The following NEIL2 variants were observed in gnomAD, a reference collection of about 807,000 sequenced individuals.
NEIL2 encodes nei like DNA glycosylase 2.
In NEIL2, 23 loss-of-function variants were observed where a neutral mutation model predicts 22.2. The observed-to-expected ratio is 1.04, with a 90% CI of 0.75 to 1.47. The LOEUF (loss-of-function observed/expected upper bound fraction) is 1.47. Among genes scored for constraint, NEIL2 ranks in the 40% most tolerant of loss-of-function variants. The pLI is 0.00. For missense variants in NEIL2, 583 were observed against 404.7 expected, an observed-to-expected ratio of 1.44 and a Z score of -3.78; for synonymous variants, 229 against 164.8, an observed-to-expected ratio of 1.39 and a Z score of -2.99.
At chr8:11,778,313 G>A (rs1449922395) in intron 2 of NEIL2, among the ~76,000 whole-genome samples, 2 of 115,052 alleles carry the variant, frequency 1.7e-5, no homozygotes, top group African/African-American at 3.1e-5. Flanking sequence ...TTTTTTTTAT[G>A]TAGGTCAGTT....
chr8:11,780,672 A>G (rs1343994463), intron 3 of NEIL2, among the ~76,000 whole-genome samples: 1 of 152,174 alleles, frequency 6.6e-6, no homozygotes, highest in East Asian at 1.9e-4. Context: ...GTGAGCCACC[A>G]TGCTTGGCCC....
intron 2 of NEIL2, among the ~76,000 whole-genome samples, chr8:11,773,405 G>A (rs1359871260): frequency 6.6e-6 from 1 of 152,190 alleles, no homozygotes; most frequent in African/African-American, 2.4e-5. Context: ...CTCCCTGTCG[G>A]CGGGTCCCTG....
At chr8:11,782,825 C>T (rs1804546385) in intron 3 of NEIL2, 2 of 345,996 alleles carry the variant, frequency 5.8e-6, no homozygotes, top group South Asian at 4.7e-5. Context: ...ACAGAGTGTG[C>T]TTGGACTATA....
In NEIL2 at chr8:11,779,876, CA is replaced by C; in HGVS notation, c.418del (p.Ser140AlafsTer4). 1 of 1,614,134 alleles carries C rather than the reference CA, an allele frequency of 6.2e-7. No individual in the cohort carries two copies. Among genetic ancestry groups the C allele is most frequent in the South Asian group, 1.1e-5 (1 of 91,072 alleles). On this transcript the variant is annotated frameshift_variant, in exon 3 of 5. Transcript: ENST00000284503. LOFTEE classifies it high-confidence loss of function. ...WLRVSFGLFG[S>X]VWVNDFSRAK... is the part of the protein sequence containing the mutation. Reference sequence around the variant, plus strand: ...TGCGTGTCAGCTTTGGTTTGTTTGGCAGCGTTTGGGTGAACGATTTCTCCAG... The same window carrying C: ...TGCGTGTCAGCTTTGGTTTGTTTGGCGCGTTTGGGTGAACGATTTCTCCAG...
At chr8:11,783,751 C>G (rs1180584208) in intron 4 of NEIL2, among the ~76,000 whole-genome samples, 2 of 152,244 alleles carry the variant, frequency 1.3e-5, no homozygotes, top group African/African-American at 4.8e-5. Context: ...AGGTGCCTGA[C>G]CTGTGTCTGT....
At chr8:11,784,810 A>C (rs1205269985) in intron 4 of NEIL2, among the ~76,000 whole-genome samples, 1 of 152,156 alleles carries the variant, frequency 6.6e-6, no homozygotes, top group Admixed American at 6.5e-5. Context: ...GGAGTAGAAA[A>C]ATAATAAGAT....
chr8:11,785,983 G>A lies in NEIL2; in HGVS notation c.709G>A (p.Ala237Thr), dbSNP rs1804893220. The A allele has an allele frequency of 6.2e-7, 1 of 1,613,950 alleles. No individual in the cohort carries two copies. The highest frequency in any genetic ancestry group is 1.7e-5 in the Admixed American group (1 of 59,996). Residue 237 changes from alanine (A) to threonine (T), a missense_variant, in exon 5 of 5, where the codon GCC becomes ACC. By Grantham distance (58) the Ala-to-Thr change is moderately conservative. Transcript: ENST00000284503. Reference protein sequence around the residue: ...SGLGNIIKNEALYRAGIHPLS... With the variant: ...SGLGNIIKNETLYRAGIHPLS... ...TTCAGGGAACATCATTAAGAATGAAGCCTTGTACAGAGCTGGGATCCATCC... is the reference window on the plus strand; with the variant it reads ...TTCAGGGAACATCATTAAGAATGAAACCTTGTACAGAGCTGGGATCCATCC...
chr8:11,780,681 C>A (rs534327069), intron 3 of NEIL2, among the ~76,000 whole-genome samples: 1 of 152,284 alleles, frequency 6.6e-6, no homozygotes, highest in African/African-American at 2.4e-5. Context: ...CATGCTTGGC[C>A]CCAGTTTTTA....
intron 3 of NEIL2, among the ~76,000 whole-genome samples, chr8:11,781,784 T>G (rs1738779490): frequency 6.6e-6 from 1 of 152,182 alleles, no homozygotes; most frequent in African/African-American, 2.4e-5. Context: ...TTGCCAGGTA[T>G]AATACTGACT....
chr8:11,782,943 CAG>C (rs1804560885), intron 3 of NEIL2: 1 of 548,738 alleles, frequency 1.8e-6, no homozygotes, highest in African/African-American at 1.9e-5. Flanking sequence ...GATCCAGCCA[CAG>C]AGTGTCCTCT....
chr8:11,770,610 T>C (rs1020594998), intron 1 of NEIL2, among the ~76,000 whole-genome samples: 2 of 152,208 alleles, frequency 1.3e-5, no homozygotes, highest in African/African-American at 4.8e-5. Context: ...CTTAGTTCTT[T>C]TCGATTTTCA....
At chr8:11,783,012 G>A in intron 3 of NEIL2, 191 bp from the exon 4 acceptor site, 1 of 664,936 alleles carries the variant, frequency 1.5e-6, no homozygotes, top group Non-Finnish European at 2.8e-6. Flanking sequence ...TCCAGCCACA[G>A]AGTGTGCTCT....
chr8:11,787,170 G>T lies in NEIL2; in HGVS notation c.*897G>T, dbSNP rs1193152106. ...GCAGGGAGCTGCGCCTTCCTGGGGT[G>T]CCCGGTGGTGTGTAGAGAAAAGCTG... On this transcript the variant is annotated 3_prime_UTR_variant, in exon 5 of 5. Transcript: ENST00000284503. 6.5e-6 allele frequency: 1 copy of T among 152,716 alleles called. No homozygotes were observed. Among genetic ancestry groups the T allele is most frequent in the Admixed American group, 6.5e-5 (1 of 15,274 alleles). The allele number at this position is 152,716 out of a possible 1,614,324, so 9.5% of individuals were successfully genotyped here.
At chr8:11,782,121 A>G (rs1490083571) in intron 3 of NEIL2, among the ~76,000 whole-genome samples, 2 of 152,104 alleles carry the variant, frequency 1.3e-5, no homozygotes, top group Non-Finnish European at 2.9e-5. Context: ...GAAAGGGTAT[A>G]TGGAGTATTG....
At chr8:11,783,462 GA>G in intron 4 of NEIL2, 63 bp downstream of exon 4, 2 of 1,454,284 alleles carry the variant, frequency 1.4e-6, no homozygotes. Context: ...GGTCCTGTGG[GA>G]GTCAGAAGAC....
At position 11,786,760 on chromosome 8, in the gene NEIL2, C is replaced by G. The variant is rs148768101; in HGVS notation, c.*487C>G. 2.7e-4 allele frequency: 52 copies of G among 191,420 alleles called. No homozygotes were observed. In the East Asian group the frequency reaches 7.5e-3, roughly 27 times the overall value. The allele number at this position is 191,420 out of a possible 1,614,324, so 11.9% of individuals were successfully genotyped here. On this transcript the variant is annotated 3_prime_UTR_variant, in exon 5 of 5. Coordinates refer to ENST00000284503, the MANE Select transcript of NEIL2 (RefSeq NM_145043.4). ...GCTCAAGCAGTCTTCATCTCAGCCT[C>G]CAGAGTAGCTGGGACTACAGGCATG...
rs772036751 is a variant in NEIL2 at position 11,779,839 on chromosome 8, C to G, written c.380C>G (p.Ala127Gly). 2.5e-6 allele frequency: 4 copies of G among 1,613,934 alleles called. No individual in the cohort carries two copies. Among genetic ancestry groups the G allele is most frequent in the Non-Finnish European group, 3.4e-6 (4 of 1,179,994 alleles). ...YLERDAPAGD[A>G]GRWLRVSFGL... ...GAGAGAGACGCCCCTGCAGGAGATG[C>G]TGGGAGGTGGCTGCGTGTCAGCTTT... The change falls in exon 3 of 5, where the codon GCT becomes GGT. Residue 127 changes from alanine (A) to glycine (G), a missense_variant. Coordinates refer to ENST00000284503, the MANE Select transcript of NEIL2 (RefSeq NM_145043.4).
At position 11,786,210 on chromosome 8, in the gene NEIL2, C is replaced by T. The variant is rs1804931335; in HGVS notation, c.936C>T (p.Thr312=). The change falls in exon 5 of 5, where the codon ACC becomes ACT. Residue 312 remains threonine, a synonymous_variant. Coordinates refer to ENST00000284503, the MANE Select transcript of NEIL2 (RefSeq NM_145043.4). Reference sequence around the variant, plus strand: ...CCGAAGATGGGTTACAGAGGCTCACCTGGTGGTGCCCGCAGTGCCAGCCCC... The same window carrying T: ...CCGAAGATGGGTTACAGAGGCTCACTTGGTGGTGCCCGCAGTGCCAGCCCC... ...FGPEDGLQRL[T]WWCPQCQPQL... 1 of 1,613,424 alleles carries T rather than the reference C, an allele frequency of 6.2e-7. No individual in the cohort carries two copies. The highest frequency in any genetic ancestry group is 1.1e-5 in the South Asian group (1 of 91,054).
At chr8:11,776,781 C>A (rs1441687409) in intron 2 of NEIL2, among the ~76,000 whole-genome samples, 1 of 152,160 alleles carries the variant, frequency 6.6e-6, no homozygotes, top group Non-Finnish European at 1.5e-5. Flanking sequence ...TTGGGGCTCC[C>A]CTCTGCTGCA....
Sources: gnomAD v4.1 joint callset for allele counts (sites outside exome capture counted in the v4.1 genomes callset) on GRCh38, gnomAD v4.1.1 for gene constraint, MANE v1.5 for transcripts, NCBI Gene and HGNC (gene_info 2026-07-23, HGNC 2026-07-21) for gene names.